The following KNG1 variants were observed in gnomAD, a reference collection of about 807,000 sequenced individuals.
The protein encoded by KNG1 is kininogen 1.
Under a neutral mutation model 47.8 loss-of-function variants are expected in KNG1, and 23 were observed. The observed-to-expected ratio is 0.48, with a 90% CI of 0.35 to 0.68. The LOEUF (loss-of-function observed/expected upper bound fraction) is 0.68, where lower values mean the gene tolerates loss of function less well. KNG1 is among the 30% of genes least tolerant of loss of function. KNG1 has a pLI of 0.01. For missense variants in KNG1, 762 were observed against 790.2 expected (o/e 0.96, Z 0.43); for synonymous variants, 277 against 277.0 (o/e 1.00, Z 0.00).
At chr3:186,734,937 TA>T (rs1361473485) in intron 7 of KNG1, 3 of 152,140 alleles carry the variant, frequency 2.0e-5, no homozygotes, top group African/African-American at 7.2e-5. Context: ...ATTACTTTTG[TA>T]ACTGAAAAAA....
At chr3:186,724,421 T>C (rs576827156) in intron 3 of KNG1, among the ~76,000 whole-genome samples, 57 of 152,302 alleles carry the variant, frequency 3.7e-4, no homozygotes, top group Non-Finnish European at 7.4e-5. Flanking sequence ...TAATACAAAC[T>C]CTTTTTAATA....
At chr3:186,720,000 G>T (rs1720140179) in intron 1 of KNG1, 105 bp from the exon 2 acceptor site, 3 of 771,174 alleles carry the variant, frequency 3.9e-6, no homozygotes, top group Admixed American at 3.6e-5. Context: ...TGAATGCTTT[G>T]CTCTCAAGTC....
intron 9 of KNG1, among the ~76,000 whole-genome samples, chr3:186,741,299 A>C (rs1258187627): frequency 2.6e-5 from 4 of 152,060 alleles, no homozygotes; most frequent in African/African-American, 9.7e-5. Flanking sequence ...TGGCTATTTT[A>C]TGGTATTATT....
intron 3 of KNG1, 108 bp downstream of exon 3, chr3:186,722,629 T>C (rs1720237974): frequency 1.1e-6 from 1 of 888,404 alleles, no homozygotes; most frequent in Non-Finnish European, 1.8e-6. Context: ...GTGGCAGTAG[T>C]AAAGCCATTT....
chr3:186,743,069 A>C lies in KNG1; in HGVS notation c.*738A>C. ...CCCTTTCTGAGTGAGAGTGTTTCTC[A>C]TAAGTCAAAAATTTCTGTTTACTCA... is the stretch of plus-strand genomic sequence containing the variant. On this transcript the variant is annotated 3_prime_UTR_variant, in exon 10 of 10. Coordinates refer to ENST00000644859, the MANE Select transcript of KNG1 (RefSeq NM_001102416.3). 2 of 508,082 alleles carry C rather than the reference A, an allele frequency of 3.9e-6. No homozygotes were observed. Among genetic ancestry groups the C allele is most frequent in the Non-Finnish European group, 2.5e-6 (1 of 393,892 alleles). 31.5% of individuals were successfully genotyped at this position (508,082 alleles called of 1,614,324 possible).
chr3:186,741,729 C>T lies in KNG1; in HGVS notation c.1333C>T (p.His445Tyr). The change falls in exon 10 of 10, where the codon CAT becomes TAT. Residue 445 changes from histidine (H) to tyrosine (Y), a missense_variant. Physicochemically the swap from His to Tyr is moderately conservative, Grantham distance 83 (BLOSUM62 2). Transcript: ENST00000644859. The stretch of plus-strand genomic sequence containing the variant: ...AAGAAAACATAATCTTGGCCATGGC[C>T]ATAAACATGAACGTGACCAAGGGCA... The part of the protein sequence containing the change: ...KQRKHNLGHG[H>Y]KHERDQGHGH... 1 of 1,614,150 alleles carries T rather than the reference C, an allele frequency of 6.2e-7. No homozygotes were observed. Among genetic ancestry groups the T allele is most frequent in the Non-Finnish European group, 8.5e-7 (1 of 1,180,042 alleles).
rs758295595 is a variant in KNG1, at chr3:186,731,612, A to G, written c.740A>G (p.Asn247Ser). The part of the protein sequence containing the change: ...IQLRIASFSQ[N>S]CDIYPGKDFV... ...CTACGAATTGCTTCCTTCTCACAGA[A>G]CTGTGACATTTATCCAGGTAAGGAA... Residue 247 changes from asparagine (N) to serine (S), a missense_variant, in exon 6 of 10, where the codon AAC (asparagine) becomes AGC (serine). By Grantham distance (46) the Asn-to-Ser change is conservative. Coordinates refer to ENST00000644859, the MANE Select transcript of KNG1 (RefSeq NM_001102416.3). The G allele has an allele frequency of 6.3e-7, 1 of 1,599,826 alleles. No individual in the cohort carries two copies. Among genetic ancestry groups the G allele is most frequent in the East Asian group, 2.2e-5 (1 of 44,824 alleles).
Position 186,742,650 on chromosome 3 carries a change from T to C in KNG1, c.*319T>C, listed in dbSNP as rs1720847028. 2.7e-6 allele frequency: 3 copies of C among 1,113,678 alleles called. No homozygotes were observed. The highest frequency in any genetic ancestry group is 3.0e-5 in the South Asian group (1 of 33,156). 69.0% of individuals were successfully genotyped at this position (1,113,678 alleles called of 1,614,324 possible). A position where few individuals can be genotyped will look rare whatever the true frequency, so the allele number is the denominator to read the frequency against. On this transcript the variant is annotated 3_prime_UTR_variant, in exon 10 of 10. Coordinates refer to ENST00000644859, the MANE Select transcript of KNG1 (RefSeq NM_001102416.3). ...TAACAAATATGTACCTTACAACATA[T>C]GTCATGAATTTGCATACAAAGATTC...
intron 1 of KNG1, among the ~76,000 whole-genome samples, chr3:186,718,854 T>G (rs1473040008): frequency 6.6e-6 from 1 of 152,216 alleles, no homozygotes; most frequent in Non-Finnish European, 1.5e-5. Flanking sequence ...TTTGATATTA[T>G]TGCAATGATG....
intron 3 of KNG1, 58 bp downstream of exon 3, chr3:186,722,579 A>G: frequency 7.5e-7 from 1 of 1,331,242 alleles, no homozygotes. Flanking sequence ...TCTGTGAGCC[A>G]GGAACACAAT....
chr3:186,724,837 G>A (rs755716751), intron 3 of KNG1, among the ~76,000 whole-genome samples: 1 of 151,914 alleles, frequency 6.6e-6, no homozygotes, highest in Non-Finnish European at 1.5e-5. Flanking sequence ...GAGTAGCTGG[G>A]ACTATCACAT....
In KNG1 at chr3:186,743,859, G is replaced by C. The variant is rs1720876951; in HGVS notation, c.*1528G>C. On this transcript the variant is annotated 3_prime_UTR_variant, in exon 10 of 10. Transcript: ENST00000644859. ...CCAGCAACCTTGAGAGGAAGGACAA[G>C]AAGAAAGATGGGATAGAATTTAAAT... is the stretch of plus-strand genomic sequence containing the variant. The C allele has an allele frequency of 1.0e-6, 1 of 997,828 alleles. No homozygotes were observed. Among genetic ancestry groups the C allele is most frequent in the Non-Finnish European group, 1.6e-6 (1 of 619,878 alleles). 61.8% of individuals were successfully genotyped at this position (997,828 alleles called of 1,614,324 possible).
Position 186,743,661 on chromosome 3 carries a change from T to C in KNG1, c.*1330T>C, listed in dbSNP as rs764783950. ...TGGTTGCTCCACTTTTTAAAAATGATTGAATGATAACATCATATTAACTGC... is the reference window on the plus strand; with the variant it reads ...TGGTTGCTCCACTTTTTAAAAATGACTGAATGATAACATCATATTAACTGC... On this transcript the variant is annotated 3_prime_UTR_variant, in exon 10 of 10. Transcript: ENST00000644859. 1 of 1,445,366 alleles carries C rather than the reference T, an allele frequency of 6.9e-7. No homozygotes were observed. 89.5% of individuals were successfully genotyped at this position (1,445,366 alleles called of 1,614,324 possible).
At chr3:186,725,313 T>C (rs1720328749) in intron 4 of KNG1, 53 bp downstream of exon 4, 4 of 1,537,288 alleles carry the variant, frequency 2.6e-6, no homozygotes, top group Non-Finnish European at 2.7e-6. Context: ...TTGTTAGATC[T>C]TTACATTTAA....
At chr3:186,724,993 G>C (rs1485447907) in intron 3 of KNG1, 95 bp from the exon 4 acceptor site, 1 of 1,377,946 alleles carries the variant, frequency 7.3e-7, no homozygotes, top group Non-Finnish European at 1.0e-6. Context: ...TTACAGGCAT[G>C]AGCCACCACG....
chr3:186,718,056 TCACCCAC>T (rs1214794420), intron 1 of KNG1: 12 of 144,452 alleles, frequency 8.3e-5, no homozygotes, highest in Non-Finnish European at 1.3e-4. Flanking sequence ...CCCACCACCA[TCACCCAC>T]CACCCACCAC....
At chr3:186,721,580 A>G (rs994288844) in intron 2 of KNG1, among the ~76,000 whole-genome samples, 2 of 152,244 alleles carry the variant, frequency 1.3e-5, no homozygotes, top group Admixed American at 1.3e-4. Context: ...GATGTATCCC[A>G]TCTTCTACAA....
At chr3:186,733,715 T>A (rs1371525299) in intron 7 of KNG1, among the ~76,000 whole-genome samples, 1 of 152,078 alleles carries the variant, frequency 6.6e-6, no homozygotes, top group Non-Finnish European at 1.5e-5. Context: ...ATGCCTATAA[T>A]CCCAGCACTT....
At chr3:186,733,785 A>G (rs564365933) in intron 7 of KNG1, among the ~76,000 whole-genome samples, 4 of 152,322 alleles carry the variant, frequency 2.6e-5, no homozygotes, top group Non-Finnish European at 4.4e-5. Flanking sequence ...CCTGACCAAC[A>G]TAGAGAAACC....
Sources: gnomAD v4.1 joint callset for allele counts (sites outside exome capture counted in the v4.1 genomes callset) on GRCh38, gnomAD v4.1.1 for gene constraint, MANE v1.5 for transcripts, NCBI Gene and HGNC (gene_info 2026-07-23, HGNC 2026-07-21) for gene names.